Variants in PPP1R9A observed in about 807,000 individuals in gnomAD.
PPP1R9A encodes the protein neurabin-1.
PPP1R9A carries 59 observed loss-of-function variants against 141.9 expected under a neutral mutation model. The ratio of observed to expected loss-of-function variants is 0.42; its 90% CI spans 0.34 to 0.52. PPP1R9A has a LOEUF of 0.52. Ranked by LOEUF, PPP1R9A falls within the 20% of genes least tolerant of loss-of-function variation. The probability of loss-of-function intolerance (pLI) is 0.10; values close to 1 mark genes in which losing one functional copy is unlikely to be tolerated. For missense variants in PPP1R9A, 1,444 were observed against 1,611.9 expected (o/e 0.90, Z 1.78); for synonymous variants, 500 against 569.7 (o/e 0.88, Z 1.74).
intron 16 of PPP1R9A, among the ~76,000 whole-genome samples, chr7:95,280,237 C>T (rs1563553790): frequency 6.6e-6 from 1 of 152,208 alleles, no homozygotes; most frequent in African/African-American, 2.4e-5. Flanking sequence ...AGTCTGCAAT[C>T]TTCCTCTGGT....
chr7:95,155,082 A>G (rs1333554827), intron 4 of PPP1R9A: 1 of 152,162 alleles, frequency 6.6e-6, no homozygotes, highest in Non-Finnish European at 1.5e-5. Flanking sequence ...GTGAAGAACT[A>G]GAAAAGAAAA....
chr7:95,150,550 G>C (rs548186062), intron 4 of PPP1R9A, among the ~76,000 whole-genome samples: 1 of 152,046 alleles, frequency 6.6e-6, no homozygotes, highest in Non-Finnish European at 1.5e-5. Context: ...TTATCTGCCC[G>C]TCTGAGCCCC....
In PPP1R9A at chr7:95,019,635, G is replaced by A. The variant is rs183836980; in HGVS notation, c.1396-91624G>A. On this transcript the variant is annotated intron_variant, in intron 2 of 19. Coordinates refer to ENST00000433360, the MANE Select transcript of PPP1R9A (RefSeq NM_001166160.2). The stretch of plus-strand genomic sequence containing the variant: ...GATAAAAGAAAATACATGAATAATC[G>A]ATAAACCATAAAAAGATGATTAGCA... 3.6e-3 allele frequency among the ~76,000 whole-genome samples: 543 copies of A among 152,084 alleles called. 5 individuals carry two copies. Among genetic ancestry groups the A allele is most frequent in the African/African-American group, 0.012 (514 of 41,464 alleles).
At chr7:94,953,904 A>G (rs925276289) in intron 2 of PPP1R9A, among the ~76,000 whole-genome samples, 6 of 152,124 alleles carry the variant, frequency 3.9e-5, no homozygotes, top group Admixed American at 3.3e-4. Context: ...GTCATCTGCA[A>G]ACAGAGACAA....
chr7:95,148,624 A>C (rs764211795), intron 4 of PPP1R9A, among the ~76,000 whole-genome samples: 105 of 151,558 alleles, frequency 6.9e-4, no homozygotes, highest in Non-Finnish European at 1.4e-3. Context: ...TGGGCAGATC[A>C]CTTGAAGCCA....
chr7:95,130,149 G>C (rs981077606), intron 4 of PPP1R9A, among the ~76,000 whole-genome samples: 3 of 152,116 alleles, frequency 2.0e-5, no homozygotes, highest in Non-Finnish European at 4.4e-5. Flanking sequence ...TCACAGGCTG[G>C]GAGGCCTAGA....
At chr7:95,141,556 ATCTACTT>A (rs1321709581) in intron 4 of PPP1R9A, among the ~76,000 whole-genome samples, 1 of 151,822 alleles carries the variant, frequency 6.6e-6, no homozygotes, top group Non-Finnish European at 1.5e-5. Context: ...ATAGGCACAA[ATCTACTT>A]TCTGTCTCTA....
chr7:95,114,891 C>CAAAAAAAAAAAAAAAAAACAAAAA (rs200443706), intron 3 of PPP1R9A, among the ~76,000 whole-genome samples: 1 of 112,394 alleles, frequency 8.9e-6, no homozygotes. Context: ...AAGTCCGTCT[C>CAAAAAAAAAAAAAAAAAACAAAAA]AAAAAAAAAA....
intron 2 of PPP1R9A, among the ~76,000 whole-genome samples, chr7:94,971,966 A>G (rs1328711017): frequency 6.6e-6 from 1 of 152,202 alleles, no homozygotes; most frequent in Non-Finnish European, 1.5e-5. Flanking sequence ...CCATCATTAC[A>G]AACTCTCCTT....
chr7:95,093,141 C>T (rs185627902), intron 2 of PPP1R9A, among the ~76,000 whole-genome samples: 33 of 151,980 alleles, frequency 2.2e-4, no homozygotes, highest in Non-Finnish European at 4.4e-4. Flanking sequence ...TTTTTTGGCT[C>T]GGGAGAGGAC....
At chr7:94,979,380 G>T (rs1356662921) in intron 2 of PPP1R9A, among the ~76,000 whole-genome samples, 1 of 152,168 alleles carries the variant, frequency 6.6e-6, no homozygotes, top group Non-Finnish European at 1.5e-5. Context: ...GTTAATCAGT[G>T]CTGTCTCTGT....
intron 2 of PPP1R9A, among the ~76,000 whole-genome samples, chr7:95,109,579 G>A (rs1820172900): frequency 6.6e-6 from 1 of 152,184 alleles, no homozygotes; most frequent in African/African-American, 2.4e-5. Context: ...AGTAGCTTAA[G>A]CTGGTAATCC....
chr7:95,231,179 G>T (rs911291745), intron 8 of PPP1R9A, among the ~76,000 whole-genome samples: 1 of 152,048 alleles, frequency 6.6e-6, no homozygotes, highest in African/African-American at 2.4e-5. Context: ...AATGATAAAA[G>T]GACTAGTCCA....
intron 2 of PPP1R9A, among the ~76,000 whole-genome samples, chr7:94,939,454 CCT>C (rs1361168299): frequency 6.6e-6 from 1 of 151,788 alleles, no homozygotes; most frequent in African/African-American, 2.4e-5. Context: ...TCAGATTACC[CCT>C]TTTTATTTTC....
chr7:95,120,904 C>CT, intron 4 of PPP1R9A, 72 bp downstream of exon 4: 1 of 1,476,818 alleles, frequency 6.8e-7, no homozygotes, highest in Non-Finnish European at 9.1e-7. Context: ...TCAGTTGTAG[C>CT]TTTTTGCTTT....
intron 2 of PPP1R9A, among the ~76,000 whole-genome samples, chr7:94,975,010 A>G (rs568415316): frequency 6.6e-6 from 1 of 152,312 alleles, no homozygotes; most frequent in South Asian, 2.1e-4. Flanking sequence ...TTCTTAATCC[A>G]TATTTTTCAG....
At chr7:95,180,443 C>G (rs1210921227) in intron 5 of PPP1R9A, among the ~76,000 whole-genome samples, 1 of 152,002 alleles carries the variant, frequency 6.6e-6, no homozygotes, top group Non-Finnish European at 1.5e-5. Flanking sequence ...TTGGAAAAAC[C>G]CTTCTAGACA....
At chr7:95,090,137 A>C (rs187823961) in intron 2 of PPP1R9A, among the ~76,000 whole-genome samples, 2 of 151,924 alleles carry the variant, frequency 1.3e-5, no homozygotes, top group Admixed American at 6.5e-5. Flanking sequence ...GGTGGTTTTT[A>C]GTATTTAAGG....
chr7:95,057,037 A>G (rs560734118), intron 2 of PPP1R9A, among the ~76,000 whole-genome samples: 127 of 152,254 alleles, frequency 8.3e-4, no homozygotes, highest in Middle Eastern at 3.4e-3. Flanking sequence ...TGACAAATGT[A>G]TTATTTGGAG....
Sources: gnomAD v4.1 joint callset for allele counts (sites outside exome capture counted in the v4.1 genomes callset) on GRCh38, gnomAD v4.1.1 for gene constraint, MANE v1.5 for transcripts, NCBI Gene and HGNC (gene_info 2026-07-23, HGNC 2026-07-21) for gene names.